CHD7: variants seen among roughly 807,000 people sequenced by gnomAD.
CHD7 encodes the protein ATP-dependent chromatin remodeler CHD7.
CHD7 carries 24 observed loss-of-function variants against 307.3 expected under a neutral mutation model. The observed-to-expected ratio is 0.08, with a 90% CI of 0.06 to 0.11. The LOEUF (loss-of-function observed/expected upper bound fraction) is 0.11. CHD7 is among the 10% of genes least tolerant of loss of function. The probability of loss-of-function intolerance (pLI) is 1.00; values close to 1 mark genes in which losing one functional copy is unlikely to be tolerated. For missense variants in CHD7, 3,106 were observed against 3,727.1 expected, an observed-to-expected ratio of 0.83 and a Z score of 4.34; for synonymous variants, 1,363 against 1,349.9, an observed-to-expected ratio of 1.01 and a Z score of -0.21.
At chr8:60,730,179 T>C (rs1350048477) in intron 1 of CHD7, among the ~76,000 whole-genome samples, 2 of 152,202 alleles carry the variant, frequency 1.3e-5, no homozygotes, top group African/African-American at 2.4e-5. Flanking sequence ...ATAAAAGATG[T>C]TTCTTGAAGT....
chr8:60,707,269 G>A (rs1372666089), intron 1 of CHD7, among the ~76,000 whole-genome samples: 1 of 152,154 alleles, frequency 6.6e-6, no homozygotes, highest in Admixed American at 6.5e-5. Flanking sequence ...GACAAAACTA[G>A]ATTTATTGAT....
intron 2 of CHD7, among the ~76,000 whole-genome samples, chr8:60,752,263 GA>G (rs1809677042): frequency 6.6e-6 from 1 of 152,202 alleles, no homozygotes; most frequent in Non-Finnish European, 1.5e-5. Flanking sequence ...GCCATGGGTA[GA>G]AAGCATTGGA....
At chr8:60,862,126 C>T in intron 35 of CHD7, 70 bp from the exon 36 acceptor site, 1 of 1,221,264 alleles carries the variant, frequency 8.2e-7, no homozygotes, top group Non-Finnish European at 1.1e-6. Context: ...TGACAGTTCT[C>T]TTTGGCATTT....
At chr8:60,766,164 A>G (rs763504891) in intron 2 of CHD7, among the ~76,000 whole-genome samples, 2 of 152,204 alleles carry the variant, frequency 1.3e-5, no homozygotes, top group Non-Finnish European at 2.9e-5. Context: ...AAAGGAAGCA[A>G]GGGTGGCCAT....
intron 8 of CHD7, among the ~76,000 whole-genome samples, chr8:60,819,221 G>T (rs1803904783): frequency 6.6e-6 from 1 of 152,186 alleles, no homozygotes; most frequent in Non-Finnish European, 1.5e-5. Context: ...CCAAAGTGCT[G>T]AGATTACAGG....
At chr8:60,721,728 G>A (rs1440324469) in intron 1 of CHD7, among the ~76,000 whole-genome samples, 2 of 152,208 alleles carry the variant, frequency 1.3e-5, no homozygotes, top group Non-Finnish European at 2.9e-5. Flanking sequence ...GCTGGTCCAT[G>A]TTCGGAGAAC....
intron 2 of CHD7, among the ~76,000 whole-genome samples, chr8:60,770,486 T>C (rs1329214695): frequency 1.3e-5 from 2 of 152,220 alleles, no homozygotes; most frequent in African/African-American, 4.8e-5. Flanking sequence ...TGGTGTCTTC[T>C]GTTTCATGTG....
Position 60,742,576 on chromosome 8 carries a change from C to T in CHD7, c.1144C>T (p.His382Tyr). ...SLNQMNTQTM[H>Y]PSQPQGTYAS... The stretch of plus-strand genomic sequence containing the variant: ...TAACCAAATGAACACACAAACTATG[C>T]ATCCTTCACAGCCTCAGGGAACTTA... Residue 382 changes from histidine to tyrosine, a missense_variant, in exon 2 of 38, where the codon CAT becomes TAT. His to Tyr is a moderately conservative substitution (Grantham distance 83, BLOSUM62 2). Around this residue, in one of 10 missense-constraint regions of CHD7, gnomAD observed 998 missense variants for 1,004.5 expected, o/e 0.99. Transcript: ENST00000423902. 2 of 1,613,998 alleles carry T rather than the reference C, an allele frequency of 1.2e-6. No individual in the cohort carries two copies. The highest frequency in any genetic ancestry group is 2.2e-5 in the East Asian group (1 of 44,890).
chr8:60,864,031 C>G (rs1342257552), intron 37 of CHD7: 1 of 151,730 alleles, frequency 6.6e-6, no homozygotes, highest in Non-Finnish European at 1.5e-5. Context: ...TGTGCCCAGC[C>G]AAAATTTTTT....
chr8:60,692,365 T>C (rs1300567215), intron 1 of CHD7, among the ~76,000 whole-genome samples: 1 of 152,234 alleles, frequency 6.6e-6, no homozygotes, highest in East Asian at 1.9e-4. Flanking sequence ...TTATTTTCAT[T>C]TCTACCACTG....
At chr8:60,702,291 T>C (rs1347108330) in intron 1 of CHD7, among the ~76,000 whole-genome samples, 1 of 152,240 alleles carries the variant, frequency 6.6e-6, no homozygotes, top group Middle Eastern at 3.2e-3. Flanking sequence ...ACTAATTTTC[T>C]AAATGTGGTG....
chr8:60,837,600 A>G, intron 17 of CHD7, 68 bp from the exon 18 acceptor site: 3 of 1,332,024 alleles, frequency 2.3e-6, no homozygotes, highest in South Asian at 3.1e-5. Context: ...GTTTCAGCAT[A>G]TGAATTTGGT....
At chr8:60,767,068 G>A (rs574035032) in intron 2 of CHD7, among the ~76,000 whole-genome samples, 5 of 152,212 alleles carry the variant, frequency 3.3e-5, no homozygotes, top group Admixed American at 6.5e-5. Flanking sequence ...CATGTCATGC[G>A]AAGAAGCGAG....
chr8:60,704,057 C>A (rs1400339687), intron 1 of CHD7, among the ~76,000 whole-genome samples: 2 of 152,080 alleles, frequency 1.3e-5, no homozygotes, highest in South Asian at 4.1e-4. Flanking sequence ...CCTGATGCTT[C>A]CCCTGCCCCT....
chr8:60,860,968 C>T lies in CHD7; in HGVS notation c.7673C>T (p.Pro2558Leu), dbSNP rs776711005. The T allele has an allele frequency of 1.1e-5, 18 of 1,613,868 alleles. No individual in the cohort carries two copies. The highest frequency in any genetic ancestry group is 4.5e-5 in the East Asian group (2 of 44,898). ...DIETPPTRNI[P>L]SPGQLDPDTR... ...GAGACCCCACCAACAAGAAACATTCCTTCTCCCGGACAGCTGGACCCAGAC... is the reference window on the plus strand; with the variant it reads ...GAGACCCCACCAACAAGAAACATTCTTTCTCCCGGACAGCTGGACCCAGAC... The change falls in exon 35 of 38, where the codon CCT (proline) becomes CTT (leucine). Residue 2558 changes from proline (P) to leucine (L), a missense_variant. By Grantham distance (98) the Pro-to-Leu change is moderately conservative. Around this residue, in one of 10 missense-constraint regions of CHD7, gnomAD observed 1,030 missense variants for 1,165.4 expected, o/e 0.88. Transcript: ENST00000423902.
rs757922481 is a variant in CHD7 at position 60,851,124 on chromosome 8, G to T, written c.5607+20G>T. ...ATAGATGTATGAACTTGAGTATATT[G>T]GCTTTTATAGCTCCATTAAAATATT... is the stretch of plus-strand genomic sequence containing the variant. On this transcript the variant is annotated intron_variant, in intron 27 of 37. Transcript: ENST00000423902. 5 of 1,538,264 alleles carry T rather than the reference G, an allele frequency of 3.3e-6. No individual in the cohort carries two copies. The South Asian group carries it at 3.6e-5, about 11-fold the overall frequency.
At position 60,742,488 on chromosome 8, in the gene CHD7, A is replaced by G. The variant is rs1292900275; in HGVS notation, c.1056A>G (p.Gly352=). The G allele has an allele frequency of 1.2e-6, 2 of 1,614,034 alleles. No homozygotes were observed. Among genetic ancestry groups the G allele is most frequent in the Non-Finnish European group, 1.7e-6 (2 of 1,179,898 alleles). Reference sequence around the variant, plus strand: ...TACCAAGATACCCCAATGCTGTAGGATTCCCATCAAACAGTGGTCAAGGAC... The same window carrying G: ...TACCAAGATACCCCAATGCTGTAGGGTTCCCATCAAACAGTGGTCAAGGAC... ...QSVPRYPNAV[G]FPSNSGQGLM... is the part of the protein sequence containing the mutation. The change falls in exon 2 of 38, where the codon GGA becomes GGG. Residue 352 remains glycine (G), a synonymous_variant. Coordinates refer to ENST00000423902, the MANE Select transcript of CHD7 (RefSeq NM_017780.4).
chr8:60,782,572 A>G (rs1291320157), intron 3 of CHD7, among the ~76,000 whole-genome samples: 5 of 152,306 alleles, frequency 3.3e-5, no homozygotes, highest in Admixed American at 1.3e-4. Context: ...TATGGTGCCA[A>G]AGTAACTGAA....
chr8:60,688,934 C>G (rs2150484478), intron 1 of CHD7, among the ~76,000 whole-genome samples: 1 of 152,176 alleles, frequency 6.6e-6, no homozygotes, highest in South Asian at 2.1e-4. Flanking sequence ...TTCTCTTTAC[C>G]ATGTAAAGAG....
Sources: gnomAD v4.1 joint callset for allele counts (sites outside exome capture counted in the v4.1 genomes callset) on GRCh38, gnomAD v4.1.1 for gene constraint, gnomAD v4.1.1 regional missense constraint, MANE v1.5 for transcripts, NCBI Gene and HGNC (gene_info 2026-07-23, HGNC 2026-07-21) for gene names.